Variants in BMPR1A observed in about 807,000 individuals in gnomAD.
The protein encoded by BMPR1A is bone morphogenetic protein receptor type-1A.
In BMPR1A, 7 loss-of-function variants were observed where a neutral mutation model predicts 66.0. The ratio of observed to expected loss-of-function variants is 0.11; its 90% CI spans 0.06 to 0.20. The LOEUF (loss-of-function observed/expected upper bound fraction) is 0.20. BMPR1A is among the 10% of genes least tolerant of loss of function. BMPR1A has a pLI of 1.00. For missense variants in BMPR1A, 408 were observed against 669.1 expected, an observed-to-expected ratio of 0.61 and a Z score of 4.31; for synonymous variants, 200 against 229.7, an observed-to-expected ratio of 0.87 and a Z score of 1.17.
rs551291949 is a variant in BMPR1A, at chr10:86,764,417, A to G, written c.-268+7498A>G. Among the ~76,000 whole-genome samples, 3 of 152,346 alleles carry G rather than the reference A, an allele frequency of 2.0e-5. No individual in the cohort carries two copies. In the East Asian group the frequency reaches 5.8e-4, roughly 29 times the overall value. On this transcript the variant is annotated intron_variant, in intron 1 of 12. Transcript: ENST00000372037. ...ATCAATGAAATATAATCGCTGGGTGACAGATTATTCTTCCTTCATTTTATA... is the reference window on the plus strand; with the variant it reads ...ATCAATGAAATATAATCGCTGGGTGGCAGATTATTCTTCCTTCATTTTATA...
At chr10:86,915,589 C>T (rs976902673) in intron 8 of BMPR1A, among the ~76,000 whole-genome samples, 8 of 152,050 alleles carry the variant, frequency 5.3e-5, no homozygotes, top group African/African-American at 1.4e-4. Context: ...ATTAGCTGGA[C>T]GTGGTGGCAG....
At chr10:86,878,910 T>TA (rs1263039735) in intron 3 of BMPR1A, among the ~76,000 whole-genome samples, 1 of 152,134 alleles carries the variant, frequency 6.6e-6, no homozygotes, top group Non-Finnish European at 1.5e-5. Context: ...ATTGGACAAT[T>TA]AAAAGGATCT....
chr10:86,793,926 C>T (rs1841667567), intron 1 of BMPR1A, among the ~76,000 whole-genome samples: 1 of 152,110 alleles, frequency 6.6e-6, no homozygotes. Context: ...GGATCAGGCT[C>T]CCCTTCCTGT....
intron 1 of BMPR1A, among the ~76,000 whole-genome samples, chr10:86,830,347 G>A (rs1388091062): frequency 1.3e-5 from 2 of 152,226 alleles, no homozygotes; most frequent in Admixed American, 1.3e-4. Context: ...TGGGAGAAAA[G>A]TTCAGGAGCC....
At chr10:86,791,501 C>T (rs113899864) in intron 1 of BMPR1A, among the ~76,000 whole-genome samples, 1,777 of 151,668 alleles carry the variant, frequency 0.012, 37 homozygotes, top group African/African-American at 0.04. Context: ...CGTGAGCCAC[C>T]GCACCCAGCC....
downstream of BMPR1A, chr10:86,928,023 TC>T: frequency 5.7e-6 from 1 of 174,124 alleles, no homozygotes; most frequent in Non-Finnish European, 1.2e-5. Context: ...GCATCAGAAG[TC>T]ATCTGTTGAG....
At chr10:86,874,662 C>T (rs1842896425) in intron 2 of BMPR1A, among the ~76,000 whole-genome samples, 1 of 150,998 alleles carries the variant, frequency 6.6e-6, no homozygotes, top group East Asian at 2.0e-4. Context: ...CCACCTCAGC[C>T]TCTCAAAGTG....
At chr10:86,784,132 A>T (rs1034884876) in intron 1 of BMPR1A, among the ~76,000 whole-genome samples, 2 of 151,900 alleles carry the variant, frequency 1.3e-5, no homozygotes, top group African/African-American at 4.8e-5. Flanking sequence ...TTCTGATTGT[A>T]CTGTGTTGAG....
intron 9 of BMPR1A, among the ~76,000 whole-genome samples, chr10:86,918,015 A>G (rs1208730479): frequency 6.6e-6 from 1 of 152,206 alleles, no homozygotes; most frequent in African/African-American, 2.4e-5. Context: ...TGAATACTCT[A>G]GAGGAGGAGC....
At position 86,900,126 on chromosome 10, in the gene BMPR1A, A is replaced by G. The variant is rs1843288858; in HGVS notation, c.530A>G (p.Lys177Arg). The G allele has an allele frequency of 6.2e-7, 1 of 1,613,194 alleles. No homozygotes were observed. Among genetic ancestry groups the G allele is most frequent in the South Asian group, 1.1e-5 (1 of 91,070 alleles). ...ATCTTCTCCAGCTGCTTTTGTTACA[A>G]GTAAGAAGATATTTATTTTGAAGCA... ...MIIFSSCFCY[K>R]HYCKSISSRR... Residue 177 changes from lysine to arginine, a missense_variant and splice_region_variant, in exon 7 of 13, where the codon AAA (lysine) becomes AGA (arginine). By Grantham distance (26) the Lys-to-Arg change is conservative. This residue lies in a region of BMPR1A where 174 missense variants were observed against 265.1 expected (regional missense o/e 0.66). Coordinates refer to ENST00000372037, the MANE Select transcript of BMPR1A (RefSeq NM_004329.3).
rs1843746646 is a variant in BMPR1A, at chr10:86,926,444, C to T, written c.*2725C>T. On this transcript the variant is annotated 3_prime_UTR_variant, in exon 13 of 13. Transcript: ENST00000372037. ...CTGAAGCAGGAGAATTGCTTAAAAT[C>T]AGAAGGTGGAGGTTGCAGTGAGCTG... 1 of 157,834 alleles carries T rather than the reference C, an allele frequency of 6.3e-6. No homozygotes were observed. The highest frequency in any genetic ancestry group is 6.5e-5 in the Admixed American group (1 of 15,394). The allele number at this position is 157,834 out of a possible 1,614,324, so 9.8% of individuals were successfully genotyped here. A position where few individuals can be genotyped will look rare whatever the true frequency, so the allele number is the denominator to read the frequency against.
At chr10:86,813,213 G>C (rs1050311873) in intron 1 of BMPR1A, among the ~76,000 whole-genome samples, 6 of 152,094 alleles carry the variant, frequency 3.9e-5, no homozygotes, top group African/African-American at 1.2e-4. Context: ...TTTTGGCCAA[G>C]GGCAGCCTCT....
At chr10:86,919,696 T>C (rs939287948) in intron 10 of BMPR1A, among the ~76,000 whole-genome samples, 13 of 145,914 alleles carry the variant, frequency 8.9e-5, no homozygotes, top group Admixed American at 2.7e-4. Flanking sequence ...TTTTTGTTTG[T>C]TTTTTGTTTT....
chr10:86,822,826 C>A (rs971360535), intron 1 of BMPR1A, among the ~76,000 whole-genome samples: 4 of 151,860 alleles, frequency 2.6e-5, no homozygotes, highest in African/African-American at 9.7e-5. Flanking sequence ...GATGGAGTTT[C>A]ACCATGTTGG....
At chr10:86,805,403 C>CACACACACACACTT (rs1464378582) in intron 1 of BMPR1A, among the ~76,000 whole-genome samples, 1 of 150,558 alleles carries the variant, frequency 6.6e-6, no homozygotes, top group Non-Finnish European at 1.5e-5. Context: ...CACACACACA[C>CACACACACACACTT]ACTTTTAAGA....
At chr10:86,838,641 T>G (rs1842385074) in intron 1 of BMPR1A, among the ~76,000 whole-genome samples, 1 of 151,696 alleles carries the variant, frequency 6.6e-6, no homozygotes. Context: ...GAATTTTATA[T>G]GGAAGTACTG....
intron 10 of BMPR1A, 86 bp from the exon 11 acceptor site, chr10:86,921,434 A>C: frequency 7.0e-6 from 11 of 1,565,364 alleles, no homozygotes; most frequent in East Asian, 2.3e-5. Context: ...GGAGAAAAAG[A>C]AGCTTTTATA....
chr10:86,840,283 C>G (rs1055614618), intron 2 of BMPR1A, among the ~76,000 whole-genome samples: 2 of 152,172 alleles, frequency 1.3e-5, no homozygotes, highest in African/African-American at 4.8e-5. Context: ...CCTTCTCCTG[C>G]CCCTGCCAAA....
In BMPR1A at chr10:86,912,227, G is replaced by A. The variant is rs1373055592; in HGVS notation, c.531-13G>A. The stretch of plus-strand genomic sequence containing the variant: ...TCATTTTTAATGTAGATTGTTTTCT[G>A]CTTTTTTAAAAGACATTATTGCAAG... On this transcript the variant is annotated splice_polypyrimidine_tract_variant and intron_variant, in intron 7 of 12. Transcript: ENST00000372037. 1.2e-6 allele frequency: 2 copies of A among 1,612,266 alleles called. No homozygotes were observed. Among genetic ancestry groups the A allele is most frequent in the Non-Finnish European group, 1.7e-6 (2 of 1,179,742 alleles).
Sources: allele counts gnomAD v4.1 joint callset (sites outside exome capture counted in the v4.1 genomes callset), GRCh38; gene constraint gnomAD v4.1.1; regional missense constraint gnomAD v4.1.1; transcripts MANE v1.5; gene names NCBI Gene and HGNC (gene_info 2026-07-23, HGNC 2026-07-21).